WDCP: variants seen among roughly 807,000 people sequenced by gnomAD.
The protein encoded by WDCP is WD repeat and coiled coil containing, also known as WD repeat and coiled-coil-containing protein.
Under a neutral mutation model 41.6 loss-of-function variants are expected in WDCP, and 19 were observed. The observed-to-expected ratio is 0.46, with a 90% CI of 0.32 to 0.67. The LOEUF is 0.67. Among genes scored for constraint, WDCP ranks in the 30% least tolerant of loss-of-function variants. The pLI is 0.04. For synonymous variants in WDCP, 302 were observed against 320.8 expected (o/e 0.94, Z 0.63); for missense variants, 802 against 850.7 (o/e 0.94, Z 0.71).
chr2:24,031,822 T>G (rs1170869894), intron 3 of WDCP, among the ~76,000 whole-genome samples: 1 of 149,754 alleles, frequency 6.7e-6, no homozygotes, highest in Non-Finnish European at 1.5e-5. Flanking sequence ...TGAGACTCGG[T>G]CTCAAAAAAA....
intron 2 of WDCP, among the ~76,000 whole-genome samples, chr2:24,036,065 A>AAAAT (rs546096434): frequency 0.12 from 16,698 of 140,308 alleles, 1,837 homozygotes; most frequent in African/African-American, 0.29. Context: ...CTCCGTCTCA[A>AAAAT]AAATAAATAA....
At chr2:24,043,320 A>C (rs62127985) in intron 1 of WDCP, among the ~76,000 whole-genome samples, 4,620 of 152,220 alleles carry the variant, frequency 0.03, 125 homozygotes, top group Middle Eastern at 0.071. Flanking sequence ...TGGACAACAG[A>C]GTGAGACTCG....
intron 1 of WDCP, 107 bp from the exon 2 acceptor site, chr2:24,039,619 G>T: frequency 1.0e-6 from 1 of 968,562 alleles, no homozygotes; most frequent in Non-Finnish European, 1.5e-6. Flanking sequence ...TTAATAATGT[G>T]GAGAGACAAA....
At chr2:24,031,614 C>G (rs982129723) in intron 3 of WDCP, among the ~76,000 whole-genome samples, 1 of 152,082 alleles carries the variant, frequency 6.6e-6, no homozygotes, top group East Asian at 1.9e-4. Context: ...ATCTCGAGGT[C>G]AGGAGATCGA....
chr2:24,031,137 A>G lies in WDCP; in HGVS notation c.1962T>C (p.Ala654=). ...LHDSHWILLS[A]DSEGFIPLTF... Reference sequence around the variant, plus strand: ...TTAACGGGATAAAGCCCTCACTGTCAGCAGAGAGAAGAATCCAGTGGGAAT... The same window carrying G: ...TTAACGGGATAAAGCCCTCACTGTCGGCAGAGAGAAGAATCCAGTGGGAAT... Residue 654 remains alanine (A), a synonymous_variant, in exon 4 of 4, where the codon GCT becomes GCC. Coordinates refer to ENST00000295148, the MANE Select transcript of WDCP (RefSeq NM_025203.3). 6.2e-7 allele frequency: 1 copy of G among 1,613,918 alleles called. No homozygotes were observed. Among genetic ancestry groups the G allele is most frequent in the Non-Finnish European group, 8.5e-7 (1 of 1,179,788 alleles).
intron 1 of WDCP, among the ~76,000 whole-genome samples, chr2:24,044,889 T>TCCC (rs1663565061): frequency 1.4e-5 from 2 of 145,068 alleles, no homozygotes. Context: ...CCTTGATGAA[T>TCCC]CCCCACATCT....
At chr2:24,037,031 T>A (rs1240164266) in intron 2 of WDCP, among the ~76,000 whole-genome samples, 1 of 152,238 alleles carries the variant, frequency 6.6e-6, no homozygotes, top group East Asian at 1.9e-4. Flanking sequence ...GAACATAACC[T>A]TTTCCTTTTT....
intron 3 of WDCP, among the ~76,000 whole-genome samples, chr2:24,032,262 A>T (rs1451657511): frequency 6.6e-6 from 1 of 152,152 alleles, no homozygotes; most frequent in African/African-American, 2.4e-5. Flanking sequence ...CACGCCTTTA[A>T]TCCCAGCACT....
intron 1 of WDCP, among the ~76,000 whole-genome samples, chr2:24,039,867 G>A (rs553114180): frequency 6.6e-6 from 1 of 151,880 alleles, no homozygotes; most frequent in South Asian, 2.1e-4. Flanking sequence ...GCACAATCTC[G>A]GCGCACTTCA....
rs138040356 is a variant in WDCP, at chr2:24,034,158, C to T, written c.1819-1212G>A. Among the ~76,000 whole-genome samples, 1,096 of 152,250 alleles carry T rather than the reference C, an allele frequency of 7.2e-3. 20 individuals carry two copies. Among genetic ancestry groups the T allele is most frequent in the African/African-American group, 0.025 (1,028 of 41,554 alleles). On this transcript the variant is annotated intron_variant, in intron 2 of 3. Transcript: ENST00000295148. The stretch of plus-strand genomic sequence containing the variant: ...TAATAGGGCCGGGTGTGGTGGCTCA[C>T]GCCTGTAATCCCAGAACTTTGGAAG...
At position 24,039,089 on chromosome 2, in the gene WDCP, C is replaced by T. The variant is rs1663346023; in HGVS notation, c.406G>A (p.Val136Ile). 1 of 1,614,100 alleles carries T rather than the reference C, an allele frequency of 6.2e-7. No individual in the cohort carries two copies. Among genetic ancestry groups the T allele is most frequent in the African/African-American group, 1.3e-5 (1 of 74,938 alleles). Residue 136 changes from valine to isoleucine, a missense_variant, in exon 2 of 4, where the codon GTC becomes ATC. By Grantham distance (29) the Val-to-Ile change is conservative. This residue lies in a region of WDCP where 214 missense variants were observed against 252.9 expected (regional missense o/e 0.85). Transcript: ENST00000295148. Reference sequence around the variant, plus strand: ...GAGTGAACATTAGGGAAAATGGAGACATCCTGAGCAGTCAACACAGTCAGA... The same window carrying T: ...GAGTGAACATTAGGGAAAATGGAGATATCCTGAGCAGTCAACACAGTCAGA... ...AILTVLTAQD[V>I]SIFPNVHSDD...
chr2:24,037,951 G>A lies in WDCP; in HGVS notation c.1544C>T (p.Ala515Val). 1.9e-6 allele frequency: 3 copies of A among 1,614,168 alleles called. No homozygotes were observed. The South Asian group carries it at 3.3e-5, about 18-fold the overall frequency. ...CGATGCTGGCTGGGTAACAGGCTCAGCATCTAGAGCTATGGAGCCATCACA... is the reference window on the plus strand; with the variant it reads ...CGATGCTGGCTGGGTAACAGGCTCAACATCTAGAGCTATGGAGCCATCACA... ...SICDGSIALD[A>V]EPVTQPASLP... The change falls in exon 2 of 4, where the codon GCT becomes GTT. Residue 515 changes from alanine to valine, a missense_variant. Around this residue, in one of 5 missense-constraint regions of WDCP, gnomAD observed 321 missense variants for 305.1 expected, o/e 1.05. Transcript: ENST00000295148.
chr2:24,038,717 T>C lies in WDCP; in HGVS notation c.778A>G (p.Met260Val), dbSNP rs750329824. The change falls in exon 2 of 4, where the codon ATG becomes GTG. Residue 260 changes from methionine (M) to valine (V), a missense_variant. Physicochemically the swap from Met to Val is conservative, Grantham distance 21. Around this residue, in one of 5 missense-constraint regions of WDCP, gnomAD observed 247 missense variants for 240.5 expected, o/e 1.03. Transcript: ENST00000295148. The stretch of plus-strand genomic sequence containing the variant: ...TCAGAATCAGTTGCCTCTTTATCCA[T>C]AGAGCGTACTTCACCAATAACTGGT... ...ALPVIGEVRS[M>V]DKEATDSETN... 7.4e-6 allele frequency: 12 copies of C among 1,614,078 alleles called. No homozygotes were observed. The highest frequency in any genetic ancestry group is 9.3e-6 in the Non-Finnish European group (11 of 1,180,008).
At chr2:24,044,817 TAAAAAAAAAAAAAAA>T (rs747340836) in intron 1 of WDCP, among the ~76,000 whole-genome samples, 1 of 103,928 alleles carries the variant, frequency 9.6e-6, no homozygotes, top group East Asian at 2.6e-4. Flanking sequence ...GAATTATCTT[TAAAAAAAAAAAAAAA>T]AAAAAAAAAG....
At chr2:24,040,960 G>A (rs550699893) in intron 1 of WDCP, among the ~76,000 whole-genome samples, 1 of 152,236 alleles carries the variant, frequency 6.6e-6, no homozygotes, top group Admixed American at 6.5e-5. Flanking sequence ...AGGCTACAGT[G>A]AGCTGAGATC....
intron 2 of WDCP, among the ~76,000 whole-genome samples, chr2:24,033,633 C>T (rs750709807): frequency 1.2e-4 from 18 of 151,824 alleles, no homozygotes; most frequent in Non-Finnish European, 2.5e-4. Context: ...CCCAGCTACT[C>T]GGGAGGCTGA....
rs1558334923 is a variant in WDCP at position 24,038,757 on chromosome 2, CATG to C, written c.735_737del (p.Asp245_Met246delinsGlu). 1 of 1,614,136 alleles carries C rather than the reference CATG, an allele frequency of 6.2e-7. No individual in the cohort carries two copies. Among genetic ancestry groups the C allele is most frequent in the South Asian group, 1.1e-5 (1 of 91,034 alleles). The stretch of plus-strand genomic sequence containing the variant: ...CAATAACTGGTAAAGCATACGGAGT[CATG>C]TCTTTACTGTTAGGTGGGATATTAA... On this transcript the variant is annotated inframe_deletion, in exon 2 of 4. Coordinates refer to ENST00000295148, the MANE Select transcript of WDCP (RefSeq NM_025203.3).
chr2:24,031,761 G>A (rs1224979948), intron 3 of WDCP, among the ~76,000 whole-genome samples: 3 of 151,938 alleles, frequency 2.0e-5, no homozygotes, highest in Non-Finnish European at 2.9e-5. Flanking sequence ...AGGAGGCGGA[G>A]GTTGCAGTGA....
intron 1 of WDCP, among the ~76,000 whole-genome samples, 197 bp downstream of exon 1, chr2:24,047,117 C>A (rs960350701): frequency 6.6e-6 from 1 of 152,050 alleles, no homozygotes; most frequent in Non-Finnish European, 1.5e-5. Flanking sequence ...GTCATAATCC[C>A]TCATTTACAC....
Sources: gnomAD v4.1 joint callset for allele counts (sites outside exome capture counted in the v4.1 genomes callset) on GRCh38, gnomAD v4.1.1 for gene constraint, gnomAD v4.1.1 regional missense constraint, MANE v1.5 for transcripts, NCBI Gene and HGNC (gene_info 2026-07-23, HGNC 2026-07-21) for gene names.